Variants in DDX4 observed in about 807,000 individuals in gnomAD.
DDX4 encodes DEAD-box helicase 4.
Under a neutral mutation model 100.0 loss-of-function variants are expected in DDX4, and 25 were observed. The observed-to-expected ratio is 0.25, with a 90% CI of 0.18 to 0.35. The LOEUF is 0.35. Among genes scored for constraint, DDX4 ranks in the 10% least tolerant of loss-of-function variants. The pLI is 1.00. For missense variants in DDX4, 635 were observed against 882.4 expected, an observed-to-expected ratio of 0.72 and a Z score of 3.55; for synonymous variants, 259 against 275.7, an observed-to-expected ratio of 0.94 and a Z score of 0.60.
chr5:55,758,868 TAAAAAAAAAAAAAAAAAAAA>T (rs35392036), intron 3 of DDX4, among the ~76,000 whole-genome samples: 2 of 70,304 alleles, frequency 2.8e-5, no homozygotes, highest in Non-Finnish European at 5.6e-5. Flanking sequence ...TTTGTTTCCT[TAAAAAAAAAAAAAAAAAAAA>T]AAAAAAAAAA....
chr5:55,757,190 G>A (rs1166260543), intron 3 of DDX4, among the ~76,000 whole-genome samples: 3 of 152,090 alleles, frequency 2.0e-5, no homozygotes, highest in Non-Finnish European at 4.4e-5. Context: ...GTGGAGATTC[G>A]TGAGATTTTG....
At chr5:55,797,312 C>T (rs1394353121) in intron 17 of DDX4, among the ~76,000 whole-genome samples, 1 of 152,186 alleles carries the variant, frequency 6.6e-6, no homozygotes, top group Non-Finnish European at 1.5e-5. Flanking sequence ...ATCTTTCCTA[C>T]TTGAAGTGAG....
intron 3 of DDX4, among the ~76,000 whole-genome samples, chr5:55,758,261 T>C (rs1020145346): frequency 6.6e-6 from 1 of 152,198 alleles, no homozygotes; most frequent in African/African-American, 2.4e-5. Flanking sequence ...TACCCTTGCA[T>C]ACTGGGATAA....
Position 55,761,956 on chromosome 5 carries a change from T to C in DDX4, c.206-1219T>C, listed in dbSNP as rs374836748. Among the ~76,000 whole-genome samples the C allele has an allele frequency of 2.5e-4, 38 of 152,308 alleles. No individual in the cohort carries two copies. The Middle Eastern group carries it at 0.014, about 55-fold the overall frequency. On this transcript the variant is annotated intron_variant, in intron 4 of 21. Coordinates refer to ENST00000505374, the MANE Select transcript of DDX4 (RefSeq NM_024415.3). ...TTCTTCTCAGTAGAACTTGCATAACTAATAATGTGGTTTTTGAAGTTGACT... is the reference window on the plus strand; with the variant it reads ...TTCTTCTCAGTAGAACTTGCATAACCAATAATGTGGTTTTTGAAGTTGACT...
intron 1 of DDX4, among the ~76,000 whole-genome samples, chr5:55,738,692 A>G (rs193296645): frequency 1.3e-5 from 2 of 152,268 alleles, no homozygotes; most frequent in African/African-American, 4.8e-5. Context: ...GGAAAAGCCT[A>G]AGTCTTGCTG....
chr5:55,767,831 C>T (rs1741018950), intron 6 of DDX4, 50 bp from the exon 7 acceptor site: 1 of 1,378,928 alleles, frequency 7.3e-7, no homozygotes. Context: ...TTATATATTG[C>T]ATCATTTAAG....
rs566392791 is a variant in DDX4 at position 55,759,827 on chromosome 5, C to T, written c.128-373C>T. 7.9e-5 allele frequency among the ~76,000 whole-genome samples: 12 copies of T among 152,166 alleles called. 1 individual carries two copies. The highest frequency in any genetic ancestry group is 3.4e-3 in the Middle Eastern group (1 of 294). ...TATAATCTAAATACAGTGTATGTTT[C>T]GTGCCTGTTTCCCTGTGTCCTTGTT... On this transcript the variant is annotated intron_variant, in intron 3 of 21. Coordinates refer to ENST00000505374, the MANE Select transcript of DDX4 (RefSeq NM_024415.3).
At chr5:55,793,062 GTGT>G (rs144025196) in intron 17 of DDX4, among the ~76,000 whole-genome samples, 90 of 150,562 alleles carry the variant, frequency 6.0e-4, no homozygotes, top group African/African-American at 1.2e-3. Flanking sequence ...GTGTTTGTGT[GTGT>G]TGTTGTTGTT....
At chr5:55,769,045 A>G (rs1741104612) in intron 7 of DDX4, among the ~76,000 whole-genome samples, 1 of 152,094 alleles carries the variant, frequency 6.6e-6, no homozygotes, top group African/African-American at 2.4e-5. Flanking sequence ...TAGTTTGCAA[A>G]TATTTTCTCC....
intron 17 of DDX4, among the ~76,000 whole-genome samples, chr5:55,794,297 C>T (rs1273145430): frequency 6.6e-6 from 1 of 151,624 alleles, no homozygotes; most frequent in East Asian, 1.9e-4. Context: ...AAGCGATTCT[C>T]CTGCCTCAGC....
At chr5:55,784,980 C>T (rs952410218) in intron 10 of DDX4, among the ~76,000 whole-genome samples, 21 of 152,316 alleles carry the variant, frequency 1.4e-4, no homozygotes, top group African/African-American at 4.3e-4. Flanking sequence ...TTCCTAGCAA[C>T]TACTGAACTG....
chr5:55,786,739 T>G (rs1290341809), intron 14 of DDX4, 69 bp downstream of exon 14: 4 of 1,314,434 alleles, frequency 3.0e-6, no homozygotes, highest in Non-Finnish European at 3.2e-6. Context: ...GTAACTTGGT[T>G]TCTTCTTTTG....
At chr5:55,794,206 A>C (rs1237812883) in intron 17 of DDX4, among the ~76,000 whole-genome samples, 1 of 148,612 alleles carries the variant, frequency 6.7e-6, no homozygotes, top group East Asian at 2.0e-4. Context: ...TTTGTGATGA[A>C]GTCTTGCTCT....
At position 55,787,901 on chromosome 5, in the gene DDX4, G is replaced by A; in HGVS notation, c.1073G>A (p.Ser358Asn). 1 of 1,613,976 alleles carries A rather than the reference G, an allele frequency of 6.2e-7. No individual in the cohort carries two copies. Among genetic ancestry groups the A allele is most frequent in the Non-Finnish European group, 8.5e-7 (1 of 1,179,968 alleles). ...AHMMHDGITASRFKELQEPEC... is the reference protein window; with the variant it reads ...AHMMHDGITANRFKELQEPEC... Reference sequence around the variant, plus strand: ...ATGATGCATGATGGAATAACTGCCAGTCGTTTTAAAGAGTTGCAGGAACCA... The same window carrying A: ...ATGATGCATGATGGAATAACTGCCAATCGTTTTAAAGAGTTGCAGGAACCA... Residue 358 changes from serine to asparagine, a missense_variant, in exon 15 of 22, where the codon AGT becomes AAT. Physicochemically the swap from Ser to Asn is conservative, Grantham distance 46 (BLOSUM62 1). Transcript: ENST00000505374.
At chr5:55,747,124 T>G (rs1486963655) in intron 3 of DDX4, among the ~76,000 whole-genome samples, 3 of 152,160 alleles carry the variant, frequency 2.0e-5, no homozygotes, top group Non-Finnish European at 4.4e-5. Context: ...GGCTCATGCC[T>G]GTAATCCCAG....
intron 18 of DDX4, among the ~76,000 whole-genome samples, chr5:55,810,958 T>C (rs1188921301): frequency 6.6e-6 from 1 of 152,010 alleles, no homozygotes; most frequent in Non-Finnish European, 1.5e-5. Flanking sequence ...TAACCACAGC[T>C]CTTTCATAAA....
Position 55,785,311 on chromosome 5 carries a change from T to A in DDX4, c.640T>A (p.Leu214Ile). 6.2e-7 allele frequency: 1 copy of A among 1,603,922 alleles called. No homozygotes were observed. Among genetic ancestry groups the A allele is most frequent in the Non-Finnish European group, 8.5e-7 (1 of 1,171,328 alleles). The change falls in exon 11 of 22, where the codon TTA becomes ATA. Residue 214 changes from leucine (L) to isoleucine (I), a missense_variant. By Grantham distance (5) the Leu-to-Ile change is conservative. Around this residue, in one of 4 missense-constraint regions of DDX4, gnomAD observed 446 missense variants for 540.8 expected, o/e 0.82. Coordinates refer to ENST00000505374, the MANE Select transcript of DDX4 (RefSeq NM_024415.3). ...SGSERGGYKG[L>I]NEEVITGSGK... ...TTCTTTAATAGGTGGTTACAAAGGT[T>A]TAAATGAAGAAGTAATAACAGGCTC...
chr5:55,811,880 A>T (rs1444688058), intron 18 of DDX4, among the ~76,000 whole-genome samples: 1 of 152,228 alleles, frequency 6.6e-6, no homozygotes, highest in Non-Finnish European at 1.5e-5. Flanking sequence ...ACTCTTAAAC[A>T]TCATGAAGGA....
At chr5:55,744,765 T>C (rs928859596) in intron 2 of DDX4, among the ~76,000 whole-genome samples, 14 of 152,242 alleles carry the variant, frequency 9.2e-5, no homozygotes, top group Admixed American at 8.5e-4. Flanking sequence ...AATATTCTGA[T>C]GCTACAGCTG....
Sources: gnomAD v4.1 joint callset for allele counts (sites outside exome capture counted in the v4.1 genomes callset) on GRCh38, gnomAD v4.1.1 for gene constraint, gnomAD v4.1.1 regional missense constraint, MANE v1.5 for transcripts, NCBI Gene and HGNC (gene_info 2026-07-23, HGNC 2026-07-21) for gene names.